Variants in TRMT11 observed in about 807,000 individuals in gnomAD.
TRMT11 encodes the protein tRNA methyltransferase 11.
In TRMT11, 53 loss-of-function variants were observed where a neutral mutation model predicts 62.8. That is an observed-to-expected ratio of 0.84 (90% CI 0.68 to 1.06). The LOEUF (loss-of-function observed/expected upper bound fraction) is 1.06. Ranked by LOEUF, TRMT11 falls within the 50% of genes least tolerant of loss-of-function variation. The pLI, the probability that TRMT11 is intolerant of heterozygous loss-of-function variation, is 0.00. For missense variants in TRMT11, 556 were observed against 553.4 expected (o/e 1.00, Z -0.05); for synonymous variants, 188 against 190.3 (o/e 0.99, Z 0.10).
intron 17 of TRMT11, among the ~76,000 whole-genome samples, chr6:126,087,341 C>T (rs4392732): frequency 6.6e-6 from 1 of 152,106 alleles, no homozygotes; most frequent in South Asian, 2.1e-4. Context: ...AAAAAAAATT[C>T]TAAACCAAGA....
the TRMT11 span, among the ~76,000 whole-genome samples, chr6:126,269,381 T>A: frequency 3.4e-5 from 5 of 149,176 alleles, no homozygotes; most frequent in Non-Finnish European, 5.9e-5. Flanking sequence ...AAAAAAGACA[T>A]ACCAAATACA....
chr6:126,216,402 T>A, the TRMT11 span, among the ~76,000 whole-genome samples: 1 of 152,270 alleles, frequency 6.6e-6, no homozygotes, highest in South Asian at 2.1e-4. Context: ...GGTTCTGGTA[T>A]GTTTTGTTTC....
intron 17 of TRMT11, among the ~76,000 whole-genome samples, chr6:126,059,214 T>A (rs999186202): frequency 6.6e-6 from 1 of 152,056 alleles, no homozygotes; most frequent in Non-Finnish European, 1.5e-5. Context: ...ACACTTAGTC[T>A]CCCTGTCAAT....
At chr6:126,152,023 C>T in intron 21 of TRMT11, among the ~76,000 whole-genome samples, 1 of 123,058 alleles carries the variant, frequency 8.1e-6, no homozygotes. Context: ...TCCTTTTTCT[C>T]TCTTTCTCTG....
At chr6:126,136,079 G>A (rs1261251444) in intron 21 of TRMT11, among the ~76,000 whole-genome samples, 1 of 151,722 alleles carries the variant, frequency 6.6e-6, no homozygotes, top group Non-Finnish European at 1.5e-5. Flanking sequence ...TCTGTAATAA[G>A]ATAAGGAAGC....
chr6:126,150,135 T>A (rs1778021775), intron 21 of TRMT11, among the ~76,000 whole-genome samples: 1 of 152,124 alleles, frequency 6.6e-6, no homozygotes, highest in African/African-American at 2.4e-5. Context: ...GACTAATAGA[T>A]TAATGAATTA....
chr6:126,234,214 G>A, the TRMT11 span, among the ~76,000 whole-genome samples: 1 of 152,080 alleles, frequency 6.6e-6, no homozygotes, highest in African/African-American at 2.4e-5. Flanking sequence ...TTTGGGTTAA[G>A]GCATTAGCTG....
intron 21 of TRMT11, among the ~76,000 whole-genome samples, chr6:126,132,259 T>G (rs1777794286): frequency 6.6e-6 from 1 of 152,036 alleles, no homozygotes; most frequent in Admixed American, 6.6e-5. Flanking sequence ...AAGACAAACA[T>G]AAGGCATAGG....
intron 21 of TRMT11, among the ~76,000 whole-genome samples, chr6:126,167,159 G>T (rs1778277991): frequency 6.6e-6 from 1 of 152,122 alleles, no homozygotes; most frequent in South Asian, 2.1e-4. Context: ...CACCACTGGG[G>T]TATGAAAAAA....
At chr6:126,150,176 A>G (rs1167808766) in intron 21 of TRMT11, among the ~76,000 whole-genome samples, 1 of 152,114 alleles carries the variant, frequency 6.6e-6, no homozygotes, top group East Asian at 1.9e-4. Flanking sequence ...GCTTTATAGG[A>G]AGAGGAAGAG....
At chr6:126,004,854 A>G (rs192008496) in intron 7 of TRMT11, among the ~76,000 whole-genome samples, 73 of 152,212 alleles carry the variant, frequency 4.8e-4, no homozygotes, top group African/African-American at 1.6e-3. Flanking sequence ...TAATCTTTTC[A>G]TGCCTAAATA....
At chr6:126,082,102 A>G (rs1188559530) in intron 17 of TRMT11, among the ~76,000 whole-genome samples, 3 of 152,152 alleles carry the variant, frequency 2.0e-5, no homozygotes, top group African/African-American at 7.2e-5. Context: ...GAGTGTGGAC[A>G]GTGCAATCTA....
chr6:126,249,707 C>T, the TRMT11 span, among the ~76,000 whole-genome samples: 6 of 151,588 alleles, frequency 4.0e-5, no homozygotes, highest in Non-Finnish European at 8.8e-5. Flanking sequence ...GATAGGGAGG[C>T]GAAAAAGCAA....
At chr6:126,246,950 T>A in the TRMT11 span, among the ~76,000 whole-genome samples, 1 of 152,182 alleles carries the variant, frequency 6.6e-6, no homozygotes, top group Non-Finnish European at 1.5e-5. Context: ...AGCCTACAAT[T>A]TGCACTCACA....
At chr6:126,112,974 AC>A (rs1777549067) in intron 18 of TRMT11, among the ~76,000 whole-genome samples, 1 of 152,032 alleles carries the variant, frequency 6.6e-6, no homozygotes, top group African/African-American at 2.4e-5. Context: ...GTGTTTCTAG[AC>A]CACCAAATCT....
At chr6:126,171,381 G>A (rs1778328588) in intron 21 of TRMT11, among the ~76,000 whole-genome samples, 1 of 152,000 alleles carries the variant, frequency 6.6e-6, no homozygotes, top group Non-Finnish European at 1.5e-5. Flanking sequence ...GGTGGGTGCC[G>A]GGGATATGTC....
intron 17 of TRMT11, among the ~76,000 whole-genome samples, chr6:126,106,495 C>A (rs113058245): frequency 3.3e-5 from 5 of 152,062 alleles, no homozygotes; most frequent in African/African-American, 1.2e-4. Context: ...CACTACTTCT[C>A]GCGCTGTTGG....
intron 17 of TRMT11, among the ~76,000 whole-genome samples, chr6:126,056,745 T>C (rs139163082): frequency 2.0e-5 from 3 of 152,346 alleles, no homozygotes; most frequent in Admixed American, 6.5e-5. Context: ...GAGGAAGTTT[T>C]GCTTGGGAAG....
intron 21 of TRMT11, among the ~76,000 whole-genome samples, chr6:126,157,707 A>G (rs1778137206): frequency 6.6e-6 from 1 of 152,246 alleles, no homozygotes; most frequent in Non-Finnish European, 1.5e-5. Context: ...GGGATTTTTT[A>G]GATGGGTCTG....
Sources: allele counts gnomAD v4.1 joint callset (sites outside exome capture counted in the v4.1 genomes callset), GRCh38; gene constraint gnomAD v4.1.1; transcripts MANE v1.5; gene names NCBI Gene and HGNC (gene_info 2026-07-23, HGNC 2026-07-21).